Variants in ADAMTSL1 observed in about 807,000 individuals in gnomAD.
The protein encoded by ADAMTSL1 is ADAMTS like 1, also known as ADAMTS-like protein 1.
In ADAMTSL1, 126 loss-of-function variants were observed where a neutral mutation model predicts 201.8. The observed-to-expected ratio is 0.62, with a 90% CI of 0.54 to 0.72. The LOEUF is 0.72. Among genes scored for constraint, ADAMTSL1 ranks in the 30% least tolerant of loss-of-function variants. The pLI is 0.00. For synonymous variants in ADAMTSL1, 1,121 were observed against 903.4 expected (o/e 1.24, Z -4.32); for missense variants, 2,679 against 2,277.8 (o/e 1.18, Z -3.59).
chr9:18,352,317 G>C (rs1281526682), intron 2 of ADAMTSL1, among the ~76,000 whole-genome samples: 1 of 152,164 alleles, frequency 6.6e-6, no homozygotes, highest in African/African-American at 2.4e-5. Context: ...TGGCTCGAAA[G>C]GCAGATACTG....
intron 2 of ADAMTSL1, among the ~76,000 whole-genome samples, chr9:18,527,450 A>T (rs1295328794): frequency 6.6e-6 from 1 of 152,236 alleles, no homozygotes; most frequent in Non-Finnish European, 1.5e-5. Context: ...TAAGAATTTT[A>T]AAGTAAAGGA....
chr9:18,473,482 T>C (rs904837804), upstream of ADAMTSL1, among the ~76,000 whole-genome samples: 1 of 152,220 alleles, frequency 6.6e-6, no homozygotes, highest in Non-Finnish European at 1.5e-5. Context: ...CTTTGTTTTT[T>C]TCCCCCCAAA....
chr9:18,261,702 A>T (rs1831930590), intron 2 of ADAMTSL1, among the ~76,000 whole-genome samples: 1 of 152,222 alleles, frequency 6.6e-6, no homozygotes, highest in Non-Finnish European at 1.5e-5. Context: ...GTTGTCCCAC[A>T]GTGTAGCTGC....
At chr9:18,427,295 A>T (rs927328149) in intron 2 of ADAMTSL1, among the ~76,000 whole-genome samples, 1 of 152,214 alleles carries the variant, frequency 6.6e-6, no homozygotes, top group East Asian at 1.9e-4. Flanking sequence ...CTGAAAAGGG[A>T]CATACTCAGA....
At chr9:18,573,363 G>C (rs539052066) in intron 3 of ADAMTSL1, 1 of 154,884 alleles carries the variant, frequency 6.5e-6, no homozygotes, top group Non-Finnish European at 1.5e-5. Context: ...GTTAGAATAG[G>C]GGCAATAACT....
At chr9:18,367,172 G>A (rs1227667300) in intron 2 of ADAMTSL1, among the ~76,000 whole-genome samples, 2 of 152,204 alleles carry the variant, frequency 1.3e-5, no homozygotes, top group African/African-American at 2.4e-5. Context: ...TCCTAGCAAT[G>A]TCCAAGTTGA....
At chr9:18,525,902 G>A (rs1353210737) in intron 2 of ADAMTSL1, among the ~76,000 whole-genome samples, 3 of 152,188 alleles carry the variant, frequency 2.0e-5, no homozygotes, top group Non-Finnish European at 2.9e-5. Context: ...ATGTGGTTTC[G>A]AGAAGAACGT....
At chr9:18,620,628 T>C (rs546777066) in intron 4 of ADAMTSL1, among the ~76,000 whole-genome samples, 112 of 152,328 alleles carry the variant, frequency 7.4e-4, no homozygotes, top group Non-Finnish European at 1.4e-3. Flanking sequence ...AGCCAGCACA[T>C]GTTTGGCACT....
At chr9:18,266,786 A>C (rs937816151) in intron 2 of ADAMTSL1, among the ~76,000 whole-genome samples, 3 of 152,086 alleles carry the variant, frequency 2.0e-5, no homozygotes, top group Non-Finnish European at 4.4e-5. Context: ...TTCATTTCTC[A>C]CATTGACGGT....
intron 2 of ADAMTSL1, among the ~76,000 whole-genome samples, chr9:18,254,663 C>T (rs1831612570): frequency 8.5e-6 from 1 of 117,838 alleles, no homozygotes; most frequent in Non-Finnish European, 1.7e-5. Flanking sequence ...GCGCCTGCCC[C>T]CCCGCCCCCC....
At chr9:18,055,591 A>T (rs1309207294) in intron 1 of ADAMTSL1, among the ~76,000 whole-genome samples, 1 of 152,228 alleles carries the variant, frequency 6.6e-6, no homozygotes, top group Non-Finnish European at 1.5e-5. Context: ...TCCCTTCTAA[A>T]ATTCCACAAA....
chr9:18,267,522 A>G (rs563528464), intron 2 of ADAMTSL1, among the ~76,000 whole-genome samples: 2 of 152,248 alleles, frequency 1.3e-5, no homozygotes, highest in Admixed American at 6.5e-5. Context: ...GCTTCAGCGC[A>G]TGGCTTACAG....
intron 2 of ADAMTSL1, among the ~76,000 whole-genome samples, chr9:18,228,933 A>C (rs1417337567): frequency 2.7e-5 from 4 of 149,586 alleles, no homozygotes; most frequent in Non-Finnish European, 5.9e-5. Context: ...CTTTCTCACT[A>C]AGCTTTTGGT....
chr9:18,769,000 G>C (rs10738519), intron 16 of ADAMTSL1, among the ~76,000 whole-genome samples: 123,979 of 152,174 alleles, frequency 0.81, 50,870 homozygotes, highest in East Asian at 0.96. Context: ...GTACCTGGGA[G>C]CCACATCCCA....
intron 2 of ADAMTSL1, among the ~76,000 whole-genome samples, chr9:18,321,285 C>G (rs571530844): frequency 1.3e-5 from 2 of 151,916 alleles, no homozygotes; most frequent in Non-Finnish European, 2.9e-5. Flanking sequence ...AACTTAGTAA[C>G]AAAATTTAAC....
rs768072956 is a variant in ADAMTSL1, at chr9:18,684,818, A to T, written c.1574+18A>T. On this transcript the variant is annotated intron_variant, in intron 13 of 28. Coordinates refer to ENST00000380548, the MANE Select transcript of ADAMTSL1 (RefSeq NM_001040272.6). ...GAGCCCTCGTAAGTTGTAAAAGCAC[A>T]GACTGTTCTATATTTGAAACTGTTT... 1 of 1,599,970 alleles carries T rather than the reference A, an allele frequency of 6.3e-7. No homozygotes were observed. Among genetic ancestry groups the T allele is most frequent in the Non-Finnish European group, 8.5e-7 (1 of 1,173,154 alleles).
At chr9:18,318,040 G>A (rs1438067176) in intron 2 of ADAMTSL1, among the ~76,000 whole-genome samples, 1 of 152,128 alleles carries the variant, frequency 6.6e-6, no homozygotes, top group African/African-American at 2.4e-5. Flanking sequence ...CTGAGCCTCT[G>A]TTTTCTTTTC....
At chr9:18,538,695 G>T (rs982288799) in intron 3 of ADAMTSL1, among the ~76,000 whole-genome samples, 1 of 152,178 alleles carries the variant, frequency 6.6e-6, no homozygotes, top group Non-Finnish European at 1.5e-5. Context: ...GATTCTCGTT[G>T]AGGTTGTGAA....
intron 2 of ADAMTSL1, among the ~76,000 whole-genome samples, chr9:18,311,558 C>T (rs1484877630): frequency 6.6e-6 from 1 of 152,036 alleles, no homozygotes; most frequent in African/African-American, 2.4e-5. Context: ...GTAGGTGCTT[C>T]CCTAGGCCTG....
Sources: gnomAD v4.1 joint callset for allele counts (sites outside exome capture counted in the v4.1 genomes callset) on GRCh38, gnomAD v4.1.1 for gene constraint, MANE v1.5 for transcripts, NCBI Gene and HGNC (gene_info 2026-07-23, HGNC 2026-07-21) for gene names.